The following PRTG variants were observed in gnomAD, a reference collection of about 807,000 sequenced individuals.
PRTG encodes the protein protogenin, also known as immunoglobulin superfamily, DCC subclass, member 5.
In PRTG, 67 loss-of-function variants were observed where a neutral mutation model predicts 122.5. The observed-to-expected ratio is 0.55, with a 90% CI of 0.45 to 0.67. The LOEUF (loss-of-function observed/expected upper bound fraction) is 0.67, where lower values mean the gene tolerates loss of function less well. Ranked by LOEUF, PRTG falls within the 30% of genes least tolerant of loss-of-function variation. The probability of loss-of-function intolerance (pLI) is 0.00; values close to 1 mark genes in which losing one functional copy is unlikely to be tolerated. For missense variants in PRTG, 1,435 were observed against 1,415.4 expected, an observed-to-expected ratio of 1.01 and a Z score of -0.22; for synonymous variants, 554 against 501.1, an observed-to-expected ratio of 1.11 and a Z score of -1.41.
intron 11 of PRTG, among the ~76,000 whole-genome samples, chr15:55,658,587 A>T (rs141882716): frequency 0.011 from 1,644 of 152,276 alleles, 35 homozygotes; most frequent in African/African-American, 0.038. Flanking sequence ...AAGCACTGGG[A>T]TTACAGGCGT....
chr15:55,651,423 C>T (rs1478629391), intron 11 of PRTG, among the ~76,000 whole-genome samples: 1 of 152,122 alleles, frequency 6.6e-6, no homozygotes, highest in Admixed American at 6.5e-5. Context: ...CATTGCTTTA[C>T]TCTTACACTT....
At chr15:55,708,530 C>A (rs1286564160) in intron 2 of PRTG, among the ~76,000 whole-genome samples, 1 of 152,090 alleles carries the variant, frequency 6.6e-6, no homozygotes, top group South Asian at 2.1e-4. Flanking sequence ...ATCGCTTGAA[C>A]CCGGGAGGCA....
chr15:55,711,553 A>G (rs2030388747), intron 2 of PRTG, among the ~76,000 whole-genome samples: 9 of 152,202 alleles, frequency 5.9e-5, no homozygotes, highest in Admixed American at 5.2e-4. Flanking sequence ...CTCTCCTGGA[A>G]CTTGCCAAAG....
intron 11 of PRTG, among the ~76,000 whole-genome samples, chr15:55,660,268 A>G (rs1004286144): frequency 6.6e-6 from 1 of 152,340 alleles, no homozygotes; most frequent in African/African-American, 2.4e-5. Flanking sequence ...AACCAAAAAC[A>G]AAACAAAAAC....
At chr15:55,701,360 C>T (rs1208474122) in intron 2 of PRTG, among the ~76,000 whole-genome samples, 1 of 152,156 alleles carries the variant, frequency 6.6e-6, no homozygotes, top group Non-Finnish European at 1.5e-5. Flanking sequence ...GATGGTAAAA[C>T]TCCCTCTCTA....
chr15:55,680,666 TA>T, intron 4 of PRTG, 38 bp from the exon 5 acceptor site: 1 of 1,333,756 alleles, frequency 7.5e-7, no homozygotes, highest in Non-Finnish European at 1.0e-6. Flanking sequence ...AAATAAATTA[TA>T]AATAAGATAT....
rs146221076 is a variant in PRTG at position 55,668,752 on chromosome 15, T to A, written c.2041+3693A>T. On this transcript the variant is annotated intron_variant, in intron 11 of 19. Transcript: ENST00000389286. ...AATCAAACAAGCTAACATCAAAATA[T>A]TTCCATCACTCTGCCAATATTTATA... is the stretch of plus-strand genomic sequence containing the variant. 7.2e-5 allele frequency among the ~76,000 whole-genome samples: 11 copies of A among 152,322 alleles called. No homozygotes were observed. In the East Asian group the frequency reaches 1.7e-3, roughly 24 times the overall value.
At chr15:55,718,485 C>T (rs1297427036) in intron 2 of PRTG, among the ~76,000 whole-genome samples, 2 of 151,958 alleles carry the variant, frequency 1.3e-5, no homozygotes, top group African/African-American at 4.8e-5. Context: ...GAGAACAACA[C>T]CCCCGCTTTG....
chr15:55,629,407 G>T lies in PRTG; in HGVS notation c.2624-403C>A, dbSNP rs1023981025. On this transcript the variant is annotated intron_variant, in intron 15 of 19. Coordinates refer to ENST00000389286, the MANE Select transcript of PRTG (RefSeq NM_173814.6). ...TGTGTGTGTGTGTGTGTGTGTGTGT[G>T]TGTGTGTGTGTGTGTGTGTGTGTGT... Among the ~76,000 whole-genome samples, 15 of 125,366 alleles carry T rather than the reference G, an allele frequency of 1.2e-4. No homozygotes were observed. The East Asian group carries it at 1.4e-3, about 12-fold the overall frequency. 82.2% of individuals were successfully genotyped at this position (125,366 alleles called of 152,430 possible). A position where few individuals can be genotyped will look rare whatever the true frequency, so the allele number is the denominator to read the frequency against.
At chr15:55,724,386 CG>C (rs1425428783) in intron 2 of PRTG, among the ~76,000 whole-genome samples, 1 of 152,032 alleles carries the variant, frequency 6.6e-6, no homozygotes, top group Non-Finnish European at 1.5e-5. Context: ...GTATATATTA[CG>C]TTTTTTGATT....
At chr15:55,659,954 A>AAACAAAACAG (rs1211967508) in intron 11 of PRTG, among the ~76,000 whole-genome samples, 2 of 151,834 alleles carry the variant, frequency 1.3e-5, no homozygotes, top group Non-Finnish European at 2.9e-5. Context: ...AAACAAAACA[A>AAACAAAACAG]AACACCTGAT....
chr15:55,672,318 G>T, intron 11 of PRTG, 127 bp downstream of exon 11: 2 of 768,354 alleles, frequency 2.6e-6, no homozygotes, highest in South Asian at 1.8e-5. Context: ...TATACACACT[G>T]ACATAGTAAA....
At chr15:55,680,282 AT>A in intron 5 of PRTG, 70 bp from the exon 6 acceptor site, 1 of 1,253,440 alleles carries the variant, frequency 8.0e-7, no homozygotes, top group Non-Finnish European at 1.1e-6. Context: ...AAAGACCACT[AT>A]CCAAGCAATC....
Position 55,628,923 on chromosome 15 carries a change from C to G in PRTG, c.2705G>C (p.Gly902Ala). Residue 902 changes from glycine to alanine, a missense_variant, in exon 16 of 20, where the codon GGA (glycine) becomes GCA (alanine). Transcript: ENST00000389286. ...CACAGAATTTGAAAAGGGTCCTTCT[C>G]CCACCTCATTGGATGCAGATATCTT... ...IVKISASNEV[G>A]EGPFSNSVEL... is the part of the protein sequence containing the mutation. The G allele has an allele frequency of 2.5e-6, 4 of 1,613,966 alleles. No individual in the cohort carries two copies. The highest frequency in any genetic ancestry group is 3.4e-6 in the Non-Finnish European group (4 of 1,179,892).
chr15:55,702,701 C>G (rs1313070571), intron 2 of PRTG, among the ~76,000 whole-genome samples: 2 of 152,128 alleles, frequency 1.3e-5, no homozygotes, highest in African/African-American at 2.4e-5. Flanking sequence ...TAGAGCCCTC[C>G]TATTCCTATT....
At chr15:55,737,439 T>C (rs1307646512) in intron 2 of PRTG, among the ~76,000 whole-genome samples, 4 of 152,202 alleles carry the variant, frequency 2.6e-5, no homozygotes, top group Non-Finnish European at 5.9e-5. Flanking sequence ...GGGAGGAACC[T>C]TGTCCCTGCA....
At chr15:55,722,365 C>A (rs2030856681) in intron 2 of PRTG, among the ~76,000 whole-genome samples, 1 of 152,112 alleles carries the variant, frequency 6.6e-6, no homozygotes, top group Non-Finnish European at 1.5e-5. Context: ...TTCTCAAGAT[C>A]TAGCAAGAGT....
chr15:55,690,619 G>C (rs1468158958), intron 2 of PRTG, among the ~76,000 whole-genome samples: 1 of 152,078 alleles, frequency 6.6e-6, no homozygotes, highest in Non-Finnish European at 1.5e-5. Context: ...GATTTGGGAT[G>C]CTCAACCGGC....
chr15:55,693,303 GA>G (rs1306276231), intron 2 of PRTG, among the ~76,000 whole-genome samples: 1 of 151,962 alleles, frequency 6.6e-6, no homozygotes, highest in African/African-American at 2.4e-5. Context: ...CTAAAAACAC[GA>G]AATCAGCCGG....
Sources: gnomAD v4.1 joint callset for allele counts (sites outside exome capture counted in the v4.1 genomes callset) on GRCh38, gnomAD v4.1.1 for gene constraint, MANE v1.5 for transcripts, NCBI Gene and HGNC (gene_info 2026-07-23, HGNC 2026-07-21) for gene names.